Variants in FBXO31 observed in about 807,000 individuals in gnomAD.
The protein encoded by FBXO31 is F-box only protein 31.
A neutral mutation model predicts 54.4 loss-of-function variants in FBXO31; 24 were observed. That is an observed-to-expected ratio of 0.44 (90% CI 0.32 to 0.62). FBXO31 has a LOEUF of 0.62. Among genes scored for constraint, FBXO31 ranks in the 20% least tolerant of loss-of-function variants. FBXO31 has a pLI of 0.05. For missense variants in FBXO31, 665 were observed against 787.1 expected (o/e 0.84, Z 1.86); for synonymous variants, 388 against 335.6 (o/e 1.16, Z -1.71).
Position 87,353,249 on chromosome 16 carries a change from C to T in FBXO31, c.413-5999G>A, listed in dbSNP as rs570772908. ...CTCACTGTTACTCCCACGGAGAACC[C>T]GCCTTGTACAAAGACCCTGTGATGA... is the stretch of plus-strand genomic sequence containing the variant. On this transcript the variant is annotated intron_variant, in intron 2 of 8. Coordinates refer to ENST00000311635, the MANE Select transcript of FBXO31 (RefSeq NM_024735.5). Among the ~76,000 whole-genome samples the T allele has an allele frequency of 4.6e-5, 7 of 152,236 alleles. No homozygotes were observed. The East Asian group carries it at 5.8e-4, about 13-fold the overall frequency.
intron 8 of FBXO31, among the ~76,000 whole-genome samples, chr16:87,333,406 G>A (rs957165705): frequency 3.3e-5 from 5 of 152,324 alleles, no homozygotes; most frequent in South Asian, 2.1e-4. Flanking sequence ...ACCACGCACC[G>A]GGAGATGGCC....
chr16:87,345,591 A>G lies in FBXO31; in HGVS notation c.489+1583T>C, dbSNP rs1449310393. On this transcript the variant is annotated intron_variant, in intron 3 of 8. Coordinates refer to ENST00000311635, the MANE Select transcript of FBXO31 (RefSeq NM_024735.5). The surrounding 1 kb of genome is among the most constrained non-coding windows in gnomAD (Gnocchi z 4.9). ...GACATCTGCTCCTGGCCCTGGCCCC[A>G]GAGCTCATATCAAACCTGCCCTCCT... Among the ~76,000 whole-genome samples the G allele has an allele frequency of 6.6e-6, 1 of 152,234 alleles. No individual in the cohort carries two copies. Among genetic ancestry groups the G allele is most frequent in the African/African-American group, 2.4e-5 (1 of 41,466 alleles).
chr16:87,344,790 CG>C (rs1202779580), intron 3 of FBXO31, among the ~76,000 whole-genome samples: 3 of 152,210 alleles, frequency 2.0e-5, no homozygotes, highest in African/African-American at 7.2e-5. Flanking sequence ...GAGCACGCGA[CG>C]CCCAACACAA....
intron 1 of FBXO31, among the ~76,000 whole-genome samples, chr16:87,379,456 C>T (rs952970692): frequency 1.3e-5 from 2 of 152,174 alleles, no homozygotes; most frequent in Non-Finnish European, 2.9e-5. Flanking sequence ...ACCTTTGAAC[C>T]TCAGCACATG....
intron 1 of FBXO31, among the ~76,000 whole-genome samples, chr16:87,374,274 G>C (rs911739920): frequency 6.6e-6 from 1 of 152,014 alleles, no homozygotes; most frequent in Non-Finnish European, 1.5e-5. Flanking sequence ...GGAAAATGTG[G>C]TAAGTTGAAA....
At chr16:87,371,339 T>A (rs915458109) in intron 1 of FBXO31, among the ~76,000 whole-genome samples, 16 of 152,212 alleles carry the variant, frequency 1.1e-4, no homozygotes, top group African/African-American at 3.6e-4. Context: ...AGGCACCCAC[T>A]GGCCAAGGGA....
intron 1 of FBXO31, among the ~76,000 whole-genome samples, chr16:87,373,859 C>T (rs1033186516): frequency 1.1e-4 from 16 of 152,326 alleles, no homozygotes; most frequent in Middle Eastern, 3.4e-3. Flanking sequence ...CAACATTAAA[C>T]GCTGGCTTTA....
chr16:87,342,880 C>T lies in FBXO31; in HGVS notation c.729G>A (p.Gln243=), dbSNP rs1361367396. The T allele has an allele frequency of 6.3e-7, 1 of 1,598,246 alleles. No homozygotes were observed. Among genetic ancestry groups the T allele is most frequent in the Non-Finnish European group, 8.5e-7 (1 of 1,172,836 alleles). Residue 243 remains glutamine, a synonymous_variant, in exon 5 of 9, where the codon CAG becomes CAA. Coordinates refer to ENST00000311635, the MANE Select transcript of FBXO31 (RefSeq NM_024735.5). Reference sequence around the variant, plus strand: ...CAGGGCCGGCTGGTGGGCTCACCTCCTGCCTCCCGCCGGACATCCTGTGGT... The same window carrying T: ...CAGGGCCGGCTGGTGGGCTCACCTCTTGCCTCCCGCCGGACATCCTGTGGT... ...TDHHRMSGGR[Q]EEFRTWLREE...
At position 87,336,718 on chromosome 16, in the gene FBXO31, T is replaced by C. The variant is rs1418148197; in HGVS notation, c.733-454A>G. 1.3e-5 allele frequency among the ~76,000 whole-genome samples: 2 copies of C among 152,054 alleles called. No homozygotes were observed. Among genetic ancestry groups the C allele is most frequent in the Non-Finnish European group, 2.9e-5 (2 of 68,004 alleles). On this transcript the variant is annotated intron_variant, in intron 5 of 8. Transcript: ENST00000311635. The surrounding 1 kb of genome is among the most constrained non-coding windows in gnomAD (Gnocchi z 6.5). ...AGCCCTCACCACCAACCCTGAGCCG[T>C]GCGAGTCAGCCAAGGACGATGCACT...
Position 87,349,908 on chromosome 16 carries a change from C to CAA in FBXO31, c.413-2660_413-2659dup, listed in dbSNP as rs11305127. ...TGTGCAACAGAGCAAGACCCTATCT[C>CAA]AAAAAAAAAAAAAAATCCCCTCTAT... is the stretch of plus-strand genomic sequence containing the variant. On this transcript the variant is annotated intron_variant, in intron 2 of 8. Coordinates refer to ENST00000311635, the MANE Select transcript of FBXO31 (RefSeq NM_024735.5). Among the ~76,000 whole-genome samples, 567 of 143,030 alleles carry CAA rather than the reference C, an allele frequency of 4.0e-3. 1 individual carries two copies. Among genetic ancestry groups the CAA allele is most frequent in the Middle Eastern group, 7.1e-3 (2 of 280 alleles). The allele number at this position is 143,030 out of a possible 152,430, so 93.8% of individuals were successfully genotyped here.
chr16:87,342,117 G>A (rs1049121178), intron 5 of FBXO31, among the ~76,000 whole-genome samples: 1 of 152,166 alleles, frequency 6.6e-6, no homozygotes, highest in Non-Finnish European at 1.5e-5. Context: ...CCACATGGGA[G>A]TGCGGTGGTG....
intron 1 of FBXO31, among the ~76,000 whole-genome samples, chr16:87,380,910 A>G (rs1408202119): frequency 6.6e-6 from 1 of 152,246 alleles, no homozygotes. Context: ...ATTCTACAGT[A>G]TACCTTTGAA....
intron 1 of FBXO31, among the ~76,000 whole-genome samples, chr16:87,370,090 G>C (rs1442083429): frequency 6.6e-6 from 1 of 152,172 alleles, no homozygotes; most frequent in Non-Finnish European, 1.5e-5. Context: ...CCTGAATGGG[G>C]CCTGCATCTA....
At chr16:87,391,125 AG>A (rs2150706700), upstream of FBXO31, among the ~76,000 whole-genome samples, 1 of 152,136 alleles carries the variant, frequency 6.6e-6, no homozygotes, top group Non-Finnish European at 1.5e-5. Context: ...CCGAGGCGGG[AG>A]GGTTGCTTGA....
rs1288049490 is a variant in FBXO31 at position 87,360,397 on chromosome 16, G to T, written c.341-31C>A. 4 of 1,605,260 alleles carry T rather than the reference G, an allele frequency of 2.5e-6. No homozygotes were observed. The African/African-American group carries it at 5.3e-5, about 21-fold the overall frequency. ...ACAAGAAACATTTGCAGAAATTTAA[G>T]ATCAACAACTCATAACGCGACAGAC... On this transcript the variant is annotated intron_variant, in intron 1 of 8. Coordinates refer to ENST00000311635, the MANE Select transcript of FBXO31 (RefSeq NM_024735.5).
chr16:87,375,349 G>A (rs936784570), intron 1 of FBXO31, among the ~76,000 whole-genome samples: 2 of 151,940 alleles, frequency 1.3e-5, no homozygotes, highest in Non-Finnish European at 2.9e-5. Context: ...AAAATTAGCT[G>A]GGCATGGTGG....
chr16:87,334,957 T>C (rs1377236946), intron 7 of FBXO31, among the ~76,000 whole-genome samples: 2 of 152,198 alleles, frequency 1.3e-5, no homozygotes, highest in Admixed American at 6.5e-5. Flanking sequence ...GAGGGGCCCC[T>C]TTCCCAGGCT....
chr16:87,366,169 G>A (rs910836499), intron 1 of FBXO31, among the ~76,000 whole-genome samples: 3 of 152,174 alleles, frequency 2.0e-5, no homozygotes, highest in African/African-American at 7.2e-5. Context: ...AGAAGAAAAG[G>A]ATGTGAGTGA....
chr16:87,336,801 T>C lies in FBXO31; in HGVS notation c.733-537A>G, dbSNP rs1310828877. Among the ~76,000 whole-genome samples the C allele has an allele frequency of 6.6e-6, 1 of 152,172 alleles. No individual in the cohort carries two copies. The highest frequency in any genetic ancestry group is 2.4e-5 in the African/African-American group (1 of 41,444). On this transcript the variant is annotated intron_variant, in intron 5 of 8. Coordinates refer to ENST00000311635, the MANE Select transcript of FBXO31 (RefSeq NM_024735.5). The surrounding 1 kb of genome is among the most constrained non-coding windows in gnomAD (Gnocchi z 6.5). ...TTTTTCAAAGGAAAAGCAGGTATGT[T>C]AAGGCGGTTCCCAAAAACTCCGCAG... is the stretch of plus-strand genomic sequence containing the variant.
Sources: gnomAD v4.1 joint callset for allele counts (sites outside exome capture counted in the v4.1 genomes callset) on GRCh38, gnomAD v4.1.1 for gene constraint, Gnocchi (gnomAD v3.1) non-coding constraint, MANE v1.5 for transcripts, NCBI Gene and HGNC (gene_info 2026-07-23, HGNC 2026-07-21) for gene names.